Variants in ZSCAN25 observed in about 807,000 individuals in gnomAD.
ZSCAN25 encodes zinc finger and SCAN domain-containing protein 25.
ZSCAN25 carries 27 observed loss-of-function variants against 38.7 expected under a neutral mutation model. The ratio of observed to expected loss-of-function variants is 0.70; its 90% CI spans 0.51 to 0.96. The LOEUF is 0.96. Among genes scored for constraint, ZSCAN25 ranks in the 40% least tolerant of loss-of-function variants. The probability of loss-of-function intolerance (pLI) is 0.00; values close to 1 mark genes in which losing one functional copy is unlikely to be tolerated. For synonymous variants in ZSCAN25, 273 were observed against 277.7 expected (o/e 0.98, Z 0.17); for missense variants, 637 against 705.9 (o/e 0.90, Z 1.11).
the ZSCAN25 span, among the ~76,000 whole-genome samples, chr7:99,646,492 T>G: frequency 6.6e-6 from 1 of 152,210 alleles, no homozygotes; most frequent in Non-Finnish European, 1.5e-5. Context: ...AGTTCTTTGG[T>G]GGAGTCTTTA....
chr7:99,664,088 A>C, the ZSCAN25 span: 1 of 1,583,612 alleles, frequency 6.3e-7, no homozygotes, highest in Non-Finnish European at 8.5e-7. Flanking sequence ...TAAGGAATGG[A>C]AAGAGTACTG....
At chr7:99,666,911 A>G in the ZSCAN25 span, 28 of 1,608,398 alleles carry the variant, frequency 1.7e-5, no homozygotes, top group Middle Eastern at 1.9e-4. Context: ...CCCCAGATTC[A>G]TTCTTTACAT....
intron 7 of ZSCAN25, among the ~76,000 whole-genome samples, chr7:99,628,103 A>C (rs937023326): frequency 1.3e-5 from 2 of 152,172 alleles, no homozygotes; most frequent in Non-Finnish European, 2.9e-5. Context: ...AAGGAAAAAA[A>C]GGGTAACGTG....
the ZSCAN25 span, chr7:99,676,360 A>G: frequency 2.6e-5 from 40 of 1,536,574 alleles, no homozygotes; most frequent in African/African-American, 4.5e-4. Flanking sequence ...AATTGCATTC[A>G]CTCATCAGGT....
the ZSCAN25 span, among the ~76,000 whole-genome samples, chr7:99,725,185 C>A: frequency 6.6e-6 from 1 of 152,194 alleles, no homozygotes; most frequent in Non-Finnish European, 1.5e-5. Flanking sequence ...CAGCCCAGTT[C>A]ATGGCCCACT....
chr7:99,633,076 C>G (rs910096495), downstream of ZSCAN25, among the ~76,000 whole-genome samples: 3 of 150,960 alleles, frequency 2.0e-5, no homozygotes, highest in Admixed American at 2.0e-4. Context: ...ACCTCCCTGT[C>G]CCGGGTTCAA....
chr7:99,648,535 A>C, the ZSCAN25 span: 1 of 585,210 alleles, frequency 1.7e-6, no homozygotes, highest in South Asian at 2.4e-5. Flanking sequence ...TGTATCTTGA[A>C]CTCTTCATAC....
chr7:99,665,045 T>C, the ZSCAN25 span: 1 of 962,396 alleles, frequency 1.0e-6, no homozygotes, highest in Non-Finnish European at 1.5e-6. Context: ...ATACATATTT[T>C]TGATTATCTT....
chr7:99,674,585 C>T, the ZSCAN25 span: 4 of 1,612,634 alleles, frequency 2.5e-6, no homozygotes, highest in Non-Finnish European at 3.4e-6. Flanking sequence ...TTCCAGAGAC[C>T]CTGGGAGAGG....
At chr7:99,707,957 T>G in the ZSCAN25 span, 1 of 1,613,922 alleles carries the variant, frequency 6.2e-7, no homozygotes, top group Non-Finnish European at 8.5e-7. Flanking sequence ...TATGTTGTCC[T>G]TGTTCTTTTT....
At chr7:99,702,949 A>C in the ZSCAN25 span, among the ~76,000 whole-genome samples, 2 of 152,164 alleles carry the variant, frequency 1.3e-5, no homozygotes, top group Non-Finnish European at 2.9e-5. Context: ...TTCATTATAG[A>C]GATCTCTCTC....
At chr7:99,690,795 A>G in the ZSCAN25 span, among the ~76,000 whole-genome samples, 1 of 152,104 alleles carries the variant, frequency 6.6e-6, no homozygotes, top group East Asian at 1.9e-4. Flanking sequence ...AGAAAACAAC[A>G]GGTGCTGGAG....
the ZSCAN25 span, among the ~76,000 whole-genome samples, chr7:99,655,715 G>A: frequency 4.6e-5 from 7 of 152,198 alleles, no homozygotes; most frequent in Non-Finnish European, 1.5e-5. Context: ...CCATGAGCAT[G>A]GAATGTTGTT....
At chr7:99,662,611 G>A in the ZSCAN25 span, among the ~76,000 whole-genome samples, 2 of 152,154 alleles carry the variant, frequency 1.3e-5, no homozygotes, top group African/African-American at 2.4e-5. This position sits in a 1 kb window ranked among gnomAD's most constrained non-coding sequence, Gnocchi z 4.3. Context: ...GGTTTGCTTA[G>A]GGTTGCCCTT....
chr7:99,693,201 T>C, the ZSCAN25 span, among the ~76,000 whole-genome samples: 1 of 152,160 alleles, frequency 6.6e-6, no homozygotes, highest in East Asian at 1.9e-4. Context: ...CAGACCCTGT[T>C]TGCCTGGGTA....
the ZSCAN25 span, chr7:99,638,594 T>G: frequency 2.5e-6 from 4 of 1,579,622 alleles, no homozygotes; most frequent in Non-Finnish European, 3.5e-6. Flanking sequence ...ATGTTGAACT[T>G]GACATTTTTG....
At chr7:99,650,905 A>T in the ZSCAN25 span, among the ~76,000 whole-genome samples, 1 of 152,314 alleles carries the variant, frequency 6.6e-6, no homozygotes, top group South Asian at 2.1e-4. Context: ...GATCTGTTCC[A>T]TTAAGCTATA....
At chr7:99,673,031 T>C in the ZSCAN25 span, 2 of 313,974 alleles carry the variant, frequency 6.4e-6, no homozygotes, top group Non-Finnish European at 9.7e-6. Flanking sequence ...TAATGTTTTA[T>C]ATGTTTAAAA....
At chr7:99,660,513 C>G in the ZSCAN25 span, 1 of 1,612,350 alleles carries the variant, frequency 6.2e-7, no homozygotes, top group Non-Finnish European at 8.5e-7. Flanking sequence ...TTGGGCAAAA[C>G]TGCATCAATC....
Sources: gnomAD v4.1 joint callset for allele counts (sites outside exome capture counted in the v4.1 genomes callset) on GRCh38, gnomAD v4.1.1 for gene constraint, Gnocchi (gnomAD v3.1) non-coding constraint, MANE v1.5 for transcripts, NCBI Gene and HGNC (gene_info 2026-07-23, HGNC 2026-07-21) for gene names.